Variants in PLEKHH1 observed in about 807,000 individuals in gnomAD.
PLEKHH1 encodes the protein pleckstrin homology domain-containing family H member 1.
In PLEKHH1, 104 loss-of-function variants were observed where a neutral mutation model predicts 160.0. The ratio of observed to expected loss-of-function variants is 0.65; its 90% CI spans 0.55 to 0.76. PLEKHH1 has a LOEUF of 0.76. PLEKHH1 is among the 30% of genes least tolerant of loss of function. PLEKHH1 has a pLI of 0.00. For missense variants in PLEKHH1, 1,427 were observed against 1,724.1 expected (o/e 0.83, Z 3.05); for synonymous variants, 619 against 678.4 (o/e 0.91, Z 1.36).
At chr14:67,540,575 A>G (rs949753714) in intron 1 of PLEKHH1, among the ~76,000 whole-genome samples, 1 of 151,898 alleles carries the variant, frequency 6.6e-6, no homozygotes, top group Non-Finnish European at 1.5e-5. Flanking sequence ...GTAGTGAGCC[A>G]AAATTGCACC....
chr14:67,535,760 AAC>A (rs1197935560), intron 1 of PLEKHH1, among the ~76,000 whole-genome samples: 2 of 152,186 alleles, frequency 1.3e-5, no homozygotes, highest in African/African-American at 4.8e-5. Context: ...TTACAACAAT[AAC>A]AGTCATTTAT....
rs769653726 is a variant in PLEKHH1 at position 67,562,593 on chromosome 14, C to T, written c.962C>T (p.Pro321Leu). ...CCAAAGGTGCGGGCTCCTGGCACCC[C>T]GCGGGACAGCATCCAGTTGGCCAAA... ...TLPKVRAPGTPRDSIQLAKRH... is the reference protein window; with the variant it reads ...TLPKVRAPGTLRDSIQLAKRH... Residue 321 changes from proline (P) to leucine (L), a missense_variant, in exon 7 of 29, where the codon CCG (proline) becomes CTG (leucine). By Grantham distance (98) the Pro-to-Leu change is moderately conservative. Transcript: ENST00000329153. 1.1e-5 allele frequency: 18 copies of T among 1,612,816 alleles called. No individual in the cohort carries two copies. In the East Asian group the frequency reaches 1.8e-4, roughly 16 times the overall value.
At position 67,574,113 on chromosome 14, in the gene PLEKHH1, A is replaced by G; in HGVS notation, c.1927-129A>G. ...GAGGAAAAGATGAGGAGGAAAAGAA[A>G]GGAGGGAGCACTAGGGCAGGCAGAA... On this transcript the variant is annotated intron_variant, in intron 13 of 28. Transcript: ENST00000329153. The surrounding 1 kb of genome is among the most constrained non-coding windows in gnomAD (Gnocchi z 4.2). 1.3e-6 allele frequency: 1 copy of G among 778,926 alleles called. No homozygotes were observed. The highest frequency in any genetic ancestry group is 2.1e-6 in the Non-Finnish European group (1 of 487,164). The allele number at this position is 778,926 out of a possible 1,614,324, so 48.3% of individuals were successfully genotyped here.
intron 28 of PLEKHH1, chr14:67,586,499 C>G (rs1452397181): frequency 3.0e-6 from 3 of 991,700 alleles, no homozygotes; most frequent in Non-Finnish European, 2.8e-6. Context: ...CCAACATTAG[C>G]TACAAAGTGG....
In PLEKHH1 at chr14:67,571,738, G is replaced by C. The variant is rs752986399; in HGVS notation, c.1435-14G>C. On this transcript the variant is annotated splice_polypyrimidine_tract_variant and intron_variant, in intron 9 of 28. Transcript: ENST00000329153. Reference sequence around the variant, plus strand: ...GCAGCCTGAGCTGCAGTGAGGGAGGGGCCTGTCTTGCAGAGAGCTACACAG... The same window carrying C: ...GCAGCCTGAGCTGCAGTGAGGGAGGCGCCTGTCTTGCAGAGAGCTACACAG... 3 of 1,607,754 alleles carry C rather than the reference G, an allele frequency of 1.9e-6. No homozygotes were observed. Among genetic ancestry groups the C allele is most frequent in the Non-Finnish European group, 2.6e-6 (3 of 1,174,890 alleles).
chr14:67,550,514 G>C (rs1437600657), intron 2 of PLEKHH1, among the ~76,000 whole-genome samples: 1 of 152,218 alleles, frequency 6.6e-6, no homozygotes, highest in Non-Finnish European at 1.5e-5. Context: ...GATAACAAGA[G>C]TTAGAACAAT....
At chr14:67,545,774 A>G (rs1440955303) in intron 2 of PLEKHH1, among the ~76,000 whole-genome samples, 2 of 152,248 alleles carry the variant, frequency 1.3e-5, no homozygotes, top group Non-Finnish European at 2.9e-5. Flanking sequence ...CTCAAAAATC[A>G]GCATTGAATA....
rs1411343461 is a variant in PLEKHH1 at position 67,585,645 on chromosome 14, C to T, written c.3777C>T (p.His1259=). ...VNEDGVSILD[H]NTMQVHITYP... is the part of the protein sequence containing the mutation. ...AGGATGGCGTCAGCATCCTGGACCA[C>T]AACACTATGGTATGAAAGGATGCAG... Residue 1259 remains histidine (H), a synonymous_variant, in exon 27 of 29, where the codon CAC becomes CAT. Coordinates refer to ENST00000329153, the MANE Select transcript of PLEKHH1 (RefSeq NM_020715.3). 7.0e-6 allele frequency: 11 copies of T among 1,565,126 alleles called. No homozygotes were observed. Among genetic ancestry groups the T allele is most frequent in the East Asian group, 2.3e-5 (1 of 42,610 alleles).
rs116839290 is a variant in PLEKHH1 at position 67,553,387 on chromosome 14, C to A, written c.127-2438C>A. On this transcript the variant is annotated intron_variant, in intron 2 of 28. Coordinates refer to ENST00000329153, the MANE Select transcript of PLEKHH1 (RefSeq NM_020715.3). ...TATTTCTGTGTGGGTAAAAAAAAAACCCCAAAACCCAACTCTGTCTGGCTT... is the reference window on the plus strand; with the variant it reads ...TATTTCTGTGTGGGTAAAAAAAAAAACCCAAAACCCAACTCTGTCTGGCTT... 5.2e-3 allele frequency among the ~76,000 whole-genome samples: 796 copies of A among 151,834 alleles called. 10 individuals are homozygous for A. The highest frequency in any genetic ancestry group is 0.018 in the African/African-American group (746 of 41,462).
chr14:67,575,700 C>T (rs1048651579), intron 15 of PLEKHH1, 123 bp from the exon 16 acceptor site: 7 of 782,054 alleles, frequency 9.0e-6, no homozygotes, highest in Non-Finnish European at 1.5e-5. Context: ...TAGTCTCCAC[C>T]TCCCCATCCT....
chr14:67,578,188 T>C lies in PLEKHH1; in HGVS notation c.2740T>C (p.Ser914Pro), dbSNP rs2035716482. 2 of 1,613,424 alleles carry C rather than the reference T, an allele frequency of 1.2e-6. No homozygotes were observed. Among genetic ancestry groups the C allele is most frequent in the African/African-American group, 1.3e-5 (1 of 74,884 alleles). The change falls in exon 19 of 29, where the codon TCC (serine) becomes CCC (proline). Residue 914 changes from serine (S) to proline (P), a missense_variant. Coordinates refer to ENST00000329153, the MANE Select transcript of PLEKHH1 (RefSeq NM_020715.3). This position sits in a 1 kb window ranked among gnomAD's most constrained non-coding sequence, Gnocchi z 5.0. ...QTSCRPPQKYSLMQCWQLLAL... is the reference protein window; with the variant it reads ...QTSCRPPQKYPLMQCWQLLAL... ...CAGCTGCCGCCCACCTCAGAAGTAC[T>C]CCCTCATGCAGGTAGGCATGCCAGG...
In PLEKHH1 at chr14:67,559,774, T is replaced by A; in HGVS notation, c.423+83T>A. The A allele has an allele frequency of 3.5e-6, 3 of 857,038 alleles. No homozygotes were observed. The South Asian group carries it at 4.3e-5, about 12-fold the overall frequency. The allele number at this position is 857,038 out of a possible 1,614,324, so 53.1% of individuals were successfully genotyped here. A position where few individuals can be genotyped will look rare whatever the true frequency, so the allele number is the denominator to read the frequency against. ...CCCCGGAGTTTCCTGCCCCCTACTG[T>A]CTAGGGTGCCTCGGCTGACCTTCAT... On this transcript the variant is annotated intron_variant, in intron 5 of 28. Coordinates refer to ENST00000329153, the MANE Select transcript of PLEKHH1 (RefSeq NM_020715.3).
Position 67,576,072 on chromosome 14 carries a change from TTCTC to T in PLEKHH1, c.2352+68_2352+71del. 3.1e-6 allele frequency: 4 copies of T among 1,287,892 alleles called. No individual in the cohort carries two copies. The highest frequency in any genetic ancestry group is 4.3e-6 in the Non-Finnish European group (4 of 920,574). The allele number at this position is 1,287,892 out of a possible 1,614,324, so 79.8% of individuals were successfully genotyped here. A position where few individuals can be genotyped will look rare whatever the true frequency, so the allele number is the denominator to read the frequency against. On this transcript the variant is annotated intron_variant, in intron 16 of 28. Transcript: ENST00000329153. This position sits in a 1 kb window ranked among gnomAD's most constrained non-coding sequence, Gnocchi z 4.0. Reference sequence around the variant, plus strand: ...GTGATTCTGATCTTCCCTTCTCTCTTTCTCCTGAGCTTCCCAAAATTCAAATTTA... The same window carrying T: ...GTGATTCTGATCTTCCCTTCTCTCTTCTGAGCTTCCCAAAATTCAAATTTA...
chr14:67,562,922 A>G (rs1459648659), intron 7 of PLEKHH1, 28 bp downstream of exon 7: 2 of 1,599,514 alleles, frequency 1.3e-6, no homozygotes, highest in Non-Finnish European at 1.7e-6. Flanking sequence ...GGCTGGGCAG[A>G]GGAGCAGAGC....
intron 1 of PLEKHH1, among the ~76,000 whole-genome samples, chr14:67,538,394 G>C (rs562848718): frequency 3.3e-5 from 5 of 152,196 alleles, no homozygotes. Flanking sequence ...AATTGTGTTC[G>C]TCCTCCATCT....
intron 3 of PLEKHH1, 105 bp from the exon 4 acceptor site, chr14:67,557,164 G>T: frequency 1.2e-6 from 1 of 837,266 alleles, no homozygotes; most frequent in Non-Finnish European, 1.9e-6. Context: ...CTGTGCCTGG[G>T]AGTCACAGCC....
rs1451944799 is a variant in PLEKHH1 at position 67,588,774 on chromosome 14, T to C, written c.*1539T>C. ...AAAACCAAGCCTTTAACCCCAACAA[T>C]GTGTGTATCTTTTGCACAGCAAAAA... is the stretch of plus-strand genomic sequence containing the variant. On this transcript the variant is annotated 3_prime_UTR_variant, in exon 29 of 29. Coordinates refer to ENST00000329153, the MANE Select transcript of PLEKHH1 (RefSeq NM_020715.3). 6.6e-6 allele frequency: 1 copy of C among 152,604 alleles called. No individual in the cohort carries two copies. Among genetic ancestry groups the C allele is most frequent in the African/African-American group, 2.4e-5 (1 of 41,442 alleles). The allele number at this position is 152,604 out of a possible 1,614,324, so 9.5% of individuals were successfully genotyped here.
chr14:67,584,155 C>T (rs764671849), intron 26 of PLEKHH1, 31 bp downstream of exon 26: 4 of 1,604,638 alleles, frequency 2.5e-6, no homozygotes, highest in Admixed American at 1.7e-5. Context: ...CTGCCCACAC[C>T]CTTAGGTGTG....
In PLEKHH1 at chr14:67,578,329, T is replaced by G; in HGVS notation, c.2751+130T>G. The G allele has an allele frequency of 1.2e-6, 1 of 831,600 alleles. No homozygotes were observed. Among genetic ancestry groups the G allele is most frequent in the East Asian group, 2.6e-5 (1 of 39,050 alleles). 51.5% of individuals were successfully genotyped at this position (831,600 alleles called of 1,614,324 possible). On this transcript the variant is annotated intron_variant, in intron 19 of 28. Transcript: ENST00000329153. The surrounding 1 kb of genome is among the most constrained non-coding windows in gnomAD (Gnocchi z 5.0). ...AGCGGGCAGCCTCTGTGCTCCAAGC[T>G]GCATCAGTACGGCTGAGCTGTCTAT...
Sources: allele counts gnomAD v4.1 joint callset (sites outside exome capture counted in the v4.1 genomes callset), GRCh38; gene constraint gnomAD v4.1.1; non-coding constraint Gnocchi (gnomAD v3.1); transcripts MANE v1.5; gene names NCBI Gene and HGNC (gene_info 2026-07-23, HGNC 2026-07-21).